The following ESS2 variants were observed in gnomAD, a reference collection of about 807,000 sequenced individuals.
ESS2 encodes the protein ess-2 spliceosome associated protein, also known as splicing factor ESS-2 homolog.
ESS2 carries 31 observed loss-of-function variants against 52.0 expected under a neutral mutation model. The observed-to-expected ratio is 0.60, with a 90% CI of 0.45 to 0.81. The LOEUF (loss-of-function observed/expected upper bound fraction) is 0.81, where lower values mean the gene tolerates loss of function less well. ESS2 is among the 30% of genes least tolerant of loss of function. ESS2 has a pLI of 0.00. For synonymous variants in ESS2, 285 were observed against 259.2 expected, an observed-to-expected ratio of 1.10 and a Z score of -0.95; for missense variants, 602 against 637.2, an observed-to-expected ratio of 0.94 and a Z score of 0.59.
At chr22:19,139,479 G>T in intron 5 of ESS2, 133 bp downstream of exon 5, 1 of 1,229,934 alleles carries the variant, frequency 8.1e-7, no homozygotes, top group African/African-American at 1.5e-5. Flanking sequence ...CCCTTAGACA[G>T]ACCAGTACCC....
rs1232775146 is a variant in ESS2 at position 19,132,412 on chromosome 22, C to T, written c.*1784G>A. ...GAGAACAGGATGGAGGACAGGCTGG[C>T]CGAGACCTCCAGGGCCAAAGACCAT... On this transcript the variant is annotated 3_prime_UTR_variant, in exon 10 of 10. Transcript: ENST00000252137. This position sits in a 1 kb window ranked among gnomAD's most constrained non-coding sequence, Gnocchi z 4.2. 1 of 1,612,792 alleles carries T rather than the reference C, an allele frequency of 6.2e-7. No homozygotes were observed.
chr22:19,139,218 G>A lies in ESS2; in HGVS notation c.763C>T (p.Pro255Ser). ...CACCTGCTCAGGGCTTGGCTGAAGG[G>A]GTCCCTAAGGAAGCGCGTGTTCTTA... is the stretch of plus-strand genomic sequence containing the variant. ...VHKNTRFLRD[P>S]FSQALSRCQL... Residue 255 changes from proline to serine, a missense_variant, in exon 6 of 10, where the codon CCC becomes TCC. Physicochemically the swap from Pro to Ser is moderately conservative, Grantham distance 74 (BLOSUM62 -1). Transcript: ENST00000252137. 1 of 1,608,664 alleles carries A rather than the reference G, an allele frequency of 6.2e-7. No individual in the cohort carries two copies. The highest frequency in any genetic ancestry group is 8.5e-7 in the Non-Finnish European group (1 of 1,177,364).
At chr22:19,137,184 C>T in intron 8 of ESS2, 139 bp downstream of exon 8, 3 of 651,086 alleles carry the variant, frequency 4.6e-6, no homozygotes, top group Non-Finnish European at 8.0e-6. Context: ...CCTTCAGCAC[C>T]CTGGCATTCA....
In ESS2 at chr22:19,134,213, C is replaced by T. The variant is rs747371131; in HGVS notation, c.1414G>A (p.Ala472Thr). The T allele has an allele frequency of 3.9e-6, 6 of 1,519,048 alleles. No individual in the cohort carries two copies. Among genetic ancestry groups the T allele is most frequent in the Non-Finnish European group, 5.3e-6 (6 of 1,132,036 alleles). 94.1% of individuals were successfully genotyped at this position (1,519,048 alleles called of 1,614,324 possible). ...GCCTGGCTCTAAAAGAAGTCCGAAG[C>T]TTTGCGCCGGGCAGGGAGCTGCAGC... ...NLLQLPARRK[A>T]SDFF Residue 472 changes from alanine (A) to threonine (T), a missense_variant, in exon 10 of 10, where the codon GCT (alanine) becomes ACT (threonine). Ala to Thr is a moderately conservative substitution (Grantham distance 58). Transcript: ENST00000252137.
intron 1 of ESS2, 78 bp downstream of exon 1, chr22:19,144,424 AACAC>A: frequency 1.3e-6 from 2 of 1,595,592 alleles, no homozygotes; most frequent in Middle Eastern, 3.3e-4. Flanking sequence ...ACGGAGTGTC[AACAC>A]CCGAGAGAGG....
chr22:19,139,676 G>A lies in ESS2; in HGVS notation c.624C>T (p.Ser208=). ...TCCAGGTCTCCACACTGGCCTGGCT[G>A]CTCTCGATGGCCTGGTGCTCTGCTG... ...LPSAEHQAIE[S]SQASVETWKY... Residue 208 remains serine (S), a synonymous_variant, in exon 5 of 10, where the codon AGC becomes AGT. Transcript: ENST00000252137. 3.1e-6 allele frequency: 5 copies of A among 1,614,226 alleles called. No homozygotes were observed. Among genetic ancestry groups the A allele is most frequent in the Non-Finnish European group, 4.2e-6 (5 of 1,180,036 alleles).
rs879012409 is a variant in ESS2, at chr22:19,139,380, C to G, written c.689-88G>C. Reference sequence around the variant, plus strand: ...AGCTCGCTTCTCGGCCAAGTCACTCCCAGATGAACAAAAGCATTGAGCAGA... The same window carrying G: ...AGCTCGCTTCTCGGCCAAGTCACTCGCAGATGAACAAAAGCATTGAGCAGA... On this transcript the variant is annotated intron_variant, in intron 5 of 9. Coordinates refer to ENST00000252137, the MANE Select transcript of ESS2 (RefSeq NM_022719.3). The G allele has an allele frequency of 3.5e-5, 52 of 1,490,676 alleles. 2 individuals carry two copies. In the South Asian group the frequency reaches 6.4e-4, roughly 18 times the overall value. 92.3% of individuals were successfully genotyped at this position (1,490,676 alleles called of 1,614,324 possible).
chr22:19,137,270 C>T, intron 8 of ESS2, 53 bp downstream of exon 8: 2 of 1,367,906 alleles, frequency 1.5e-6, no homozygotes. Context: ...GCACTCAGGG[C>T]TCCAGAGGTG....
chr22:19,138,623 G>T, intron 6 of ESS2: 1 of 547,362 alleles, frequency 1.8e-6, no homozygotes, highest in Non-Finnish European at 3.3e-6. Flanking sequence ...GCTGACGCCA[G>T]GCCCCTGCAG....
At chr22:19,135,687 T>C (rs1052801373) in intron 8 of ESS2, among the ~76,000 whole-genome samples, 3 of 152,256 alleles carry the variant, frequency 2.0e-5, no homozygotes, top group Admixed American at 2.0e-4. Flanking sequence ...TTTTCATTTG[T>C]GATTTCTTCC....
Position 19,134,113 on chromosome 22 carries a change from C to G in ESS2, c.*83G>C. 2 of 1,392,202 alleles carry G rather than the reference C, an allele frequency of 1.4e-6. No homozygotes were observed. The highest frequency in any genetic ancestry group is 1.9e-6 in the Non-Finnish European group (2 of 1,071,858). 86.2% of individuals were successfully genotyped at this position (1,392,202 alleles called of 1,614,324 possible). A position where few individuals can be genotyped will look rare whatever the true frequency, so the allele number is the denominator to read the frequency against. On this transcript the variant is annotated 3_prime_UTR_variant, in exon 10 of 10. Coordinates refer to ENST00000252137, the MANE Select transcript of ESS2 (RefSeq NM_022719.3). ...CAGCTTCTGGCCCAGGCCTGGGCCC[C>G]GAGAAGGCTGGAGTCCTCTGCTGGG...
At chr22:19,139,552 G>T in intron 5 of ESS2, 60 bp downstream of exon 5, 2 of 1,519,824 alleles carry the variant, frequency 1.3e-6, no homozygotes, top group Non-Finnish European at 1.8e-6. Context: ...TCCAAACACA[G>T]CCAGACACAC....
chr22:19,144,095 G>A, intron 1 of ESS2: 2 of 1,008,836 alleles, frequency 2.0e-6, no homozygotes, highest in Non-Finnish European at 2.4e-6. Context: ...TTCTGTGTGC[G>A]TGTGGTGGGG....
chr22:19,134,295 A>G lies in ESS2; in HGVS notation c.1332T>C (p.Pro444=), dbSNP rs1455056291. The G allele has an allele frequency of 3.1e-6, 5 of 1,600,590 alleles. No homozygotes were observed. The highest frequency in any genetic ancestry group is 1.1e-5 in the South Asian group (1 of 90,000). Residue 444 remains proline, a synonymous_variant, in exon 10 of 10, where the codon CCT becomes CCC. Transcript: ENST00000252137. ...TGAGAGGGGTGCGTGTGGCAGAGCC[A>G]GGCGCCGGTGTGCTTGTGGGGGTCT... ...GLQTPTSTPA[P]GSATRTPLTQ...
intron 6 of ESS2, 59 bp from the exon 7 acceptor site, chr22:19,138,376 C>T (rs1189113338): frequency 1.7e-5 from 25 of 1,503,904 alleles, no homozygotes; most frequent in African/African-American, 2.8e-5. Flanking sequence ...GACAGCTGGC[C>T]GGTGGGCAAA....
rs1418673900 is a variant in ESS2 at position 19,134,970 on chromosome 22, G to C, written c.1151+90C>G. On this transcript the variant is annotated intron_variant, in intron 9 of 9. Coordinates refer to ENST00000252137, the MANE Select transcript of ESS2 (RefSeq NM_022719.3). ...GACCTGCCCTGGACTCTGCCGCGTG[G>C]GCCATGCCTCCACACGGTCAGGGCA... The C allele has an allele frequency of 4.0e-6, 5 of 1,257,372 alleles. No homozygotes were observed. In the Admixed American group the frequency reaches 7.2e-5, roughly 18 times the overall value. 77.9% of individuals were successfully genotyped at this position (1,257,372 alleles called of 1,614,324 possible).
Position 19,142,522 on chromosome 22 carries a change from G to A in ESS2, c.400+16C>T, listed in dbSNP as rs377240171. ...CAATCCTGACCATGTGACTTAAAGA[G>A]GGCACCCTCACTCACCATCCTCCAG... On this transcript the variant is annotated intron_variant, in intron 3 of 9. Coordinates refer to ENST00000252137, the MANE Select transcript of ESS2 (RefSeq NM_022719.3). The A allele has an allele frequency of 6.9e-6, 11 of 1,584,940 alleles. No homozygotes were observed. The highest frequency in any genetic ancestry group is 2.7e-5 in the African/African-American group (2 of 73,732).
chr22:19,132,401 G>C lies in ESS2; in HGVS notation c.*1795C>G. The C allele has an allele frequency of 6.2e-7, 1 of 1,613,040 alleles. No individual in the cohort carries two copies. Among genetic ancestry groups the C allele is most frequent in the Non-Finnish European group, 8.5e-7 (1 of 1,179,992 alleles). ...TGCCCGAGAACGAGAACAGGATGGA[G>C]GACAGGCTGGCCGAGACCTCCAGGG... On this transcript the variant is annotated 3_prime_UTR_variant, in exon 10 of 10. Coordinates refer to ENST00000252137, the MANE Select transcript of ESS2 (RefSeq NM_022719.3). This position sits in a 1 kb window ranked among gnomAD's most constrained non-coding sequence, Gnocchi z 4.2.
Position 19,139,330 on chromosome 22 carries a change from G to A in ESS2, c.689-38C>T, listed in dbSNP as rs1168308972. On this transcript the variant is annotated intron_variant, in intron 5 of 9. Coordinates refer to ENST00000252137, the MANE Select transcript of ESS2 (RefSeq NM_022719.3). ...GCAAAGGTAGCAGCAGGTGTCAGAA[G>A]GGCAGCAGCCTAAGGAGCATGAGGA... 15 of 1,547,040 alleles carry A rather than the reference G, an allele frequency of 9.7e-6. No individual in the cohort carries two copies. In the South Asian group the frequency reaches 1.7e-4, roughly 18 times the overall value.
Sources: gnomAD v4.1 joint callset for allele counts (sites outside exome capture counted in the v4.1 genomes callset) on GRCh38, gnomAD v4.1.1 for gene constraint, Gnocchi (gnomAD v3.1) non-coding constraint, MANE v1.5 for transcripts, NCBI Gene and HGNC (gene_info 2026-07-23, HGNC 2026-07-21) for gene names.